The following ADAMTS19 variants were observed in gnomAD, a reference collection of about 807,000 sequenced individuals.
ADAMTS19 encodes the protein A disintegrin and metalloproteinase with thrombospondin motifs 19.
In ADAMTS19, 93 loss-of-function variants were observed where a neutral mutation model predicts 153.3. The observed-to-expected ratio is 0.61, with a 90% confidence interval of 0.51 to 0.72. The LOEUF is 0.72. Among genes scored for constraint, ADAMTS19 ranks in the 30% least tolerant of loss-of-function variants. The pLI is 0.00. For synonymous variants in ADAMTS19, 600 were observed against 556.6 expected (o/e 1.08, Z -1.10); for missense variants, 1,482 against 1,552.1 (o/e 0.95, Z 0.76).
chr5:129,572,017 A>C (rs1395951504), intron 7 of ADAMTS19, among the ~76,000 whole-genome samples: 1 of 151,980 alleles, frequency 6.6e-6, no homozygotes, highest in South Asian at 2.1e-4. Context: ...CAAATGTAAA[A>C]TGCAAAACTA....
chr5:129,518,543 T>G (rs1751688495), intron 3 of ADAMTS19, among the ~76,000 whole-genome samples: 1 of 152,124 alleles, frequency 6.6e-6, no homozygotes, highest in Admixed American at 6.6e-5. Flanking sequence ...TTGTAAGTTT[T>G]CCACTGCTGC....
intron 2 of ADAMTS19, among the ~76,000 whole-genome samples, chr5:129,484,390 C>T (rs1394330480): frequency 2.0e-5 from 3 of 152,088 alleles, no homozygotes; most frequent in Non-Finnish European, 2.9e-5. Context: ...GATGTAACAA[C>T]GATTCCAAAT....
chr5:129,554,429 G>C (rs1014247186), intron 7 of ADAMTS19, among the ~76,000 whole-genome samples: 5 of 152,188 alleles, frequency 3.3e-5, no homozygotes, highest in South Asian at 2.1e-4. Context: ...TGAGACATAT[G>C]ATCTATTCCC....
chr5:129,666,970 G>C (rs1257532567), intron 16 of ADAMTS19, among the ~76,000 whole-genome samples: 1 of 152,086 alleles, frequency 6.6e-6, no homozygotes, highest in Non-Finnish European at 1.5e-5. Context: ...GGCTAAATAA[G>C]CCAGGCAATA....
intron 2 of ADAMTS19, among the ~76,000 whole-genome samples, chr5:129,474,223 G>A (rs1043901972): frequency 6.6e-5 from 10 of 152,060 alleles, no homozygotes; most frequent in African/African-American, 2.4e-4. Context: ...GTGGTAGCAC[G>A]TATCAGTAGT....
At chr5:129,538,356 C>G (rs1398086136) in intron 6 of ADAMTS19, among the ~76,000 whole-genome samples, 1 of 152,006 alleles carries the variant, frequency 6.6e-6, no homozygotes, top group Non-Finnish European at 1.5e-5. Context: ...AGTCTACATA[C>G]AAGTTTTGTT....
intron 11 of ADAMTS19, among the ~76,000 whole-genome samples, chr5:129,642,909 A>C (rs991989094): frequency 6.6e-6 from 1 of 152,184 alleles, no homozygotes; most frequent in African/African-American, 2.4e-5. Context: ...ACACACTCAC[A>C]CATGCACACA....
chr5:129,612,303 C>T (rs1169197612), intron 8 of ADAMTS19, among the ~76,000 whole-genome samples: 2 of 151,674 alleles, frequency 1.3e-5, no homozygotes, highest in Non-Finnish European at 2.9e-5. Flanking sequence ...AGGACATGAA[C>T]GCATCATTTT....
chr5:129,569,931 A>G (rs1318418958), intron 7 of ADAMTS19, among the ~76,000 whole-genome samples: 1 of 151,992 alleles, frequency 6.6e-6, no homozygotes, highest in Non-Finnish European at 1.5e-5. Flanking sequence ...TAAGCAAAAC[A>G]AAACACACTC....
chr5:129,600,890 G>A, intron 8 of ADAMTS19, among the ~76,000 whole-genome samples: 1 of 140,090 alleles, frequency 7.1e-6, no homozygotes, highest in East Asian at 2.1e-4. Context: ...TTATTATTGA[G>A]ACGGGGTCTC....
At chr5:129,708,166 G>A (rs767961162) in intron 21 of ADAMTS19, among the ~76,000 whole-genome samples, 11 of 152,250 alleles carry the variant, frequency 7.2e-5, no homozygotes, top group Admixed American at 1.3e-4. Flanking sequence ...TGAAACTTAC[G>A]TCATAAAATT....
chr5:129,607,859 C>T (rs1038256981), intron 8 of ADAMTS19, among the ~76,000 whole-genome samples: 5 of 150,462 alleles, frequency 3.3e-5, no homozygotes, highest in African/African-American at 4.9e-5. Flanking sequence ...AACATACCTG[C>T]CAAGATATGA....
intron 2 of ADAMTS19, among the ~76,000 whole-genome samples, chr5:129,491,926 T>C (rs1382180697): frequency 6.6e-6 from 1 of 152,214 alleles, no homozygotes; most frequent in Non-Finnish European, 1.5e-5. Flanking sequence ...GATATAAACA[T>C]GCCTGGAAGA....
At chr5:129,732,330 A>G (rs1015726452) in intron 21 of ADAMTS19, among the ~76,000 whole-genome samples, 26 of 152,152 alleles carry the variant, frequency 1.7e-4, no homozygotes, top group African/African-American at 6.3e-4. Flanking sequence ...GGCCAGAGCA[A>G]TCAGGCAAGA....
chr5:129,718,786 T>A (rs538553588), intron 21 of ADAMTS19, among the ~76,000 whole-genome samples: 131 of 152,318 alleles, frequency 8.6e-4, no homozygotes, highest in Admixed American at 6.0e-3. Context: ...TTGGCACTTA[T>A]CATTACAGAT....
chr5:129,469,215 A>G (rs1423529402), intron 2 of ADAMTS19, among the ~76,000 whole-genome samples: 2 of 152,194 alleles, frequency 1.3e-5, no homozygotes, highest in Non-Finnish European at 2.9e-5. Flanking sequence ...TATAAAATAA[A>G]TAATCTGTAA....
chr5:129,631,391 C>T (rs1244160834), intron 10 of ADAMTS19, among the ~76,000 whole-genome samples: 4 of 151,670 alleles, frequency 2.6e-5, no homozygotes, highest in African/African-American at 4.8e-5. Context: ...TTATACAAAT[C>T]GTCTTTTATT....
At chr5:129,668,736 C>T (rs1320052192) in intron 16 of ADAMTS19, among the ~76,000 whole-genome samples, 3 of 152,136 alleles carry the variant, frequency 2.0e-5, no homozygotes, top group Non-Finnish European at 4.4e-5. Flanking sequence ...CTTTTTCCCC[C>T]TCAATAACAT....
intron 20 of ADAMTS19, among the ~76,000 whole-genome samples, chr5:129,703,776 A>G (rs1756019531): frequency 6.6e-6 from 1 of 152,112 alleles, no homozygotes; most frequent in African/African-American, 2.4e-5. Context: ...GATTTTCTCT[A>G]TTTCATCTTT....
Sources: allele counts gnomAD v4.1 joint callset (sites outside exome capture counted in the v4.1 genomes callset), GRCh38; gene constraint gnomAD v4.1.1; transcripts MANE v1.5; gene names NCBI Gene and HGNC (gene_info 2026-07-23, HGNC 2026-07-21).